CPA6: variants seen among roughly 807,000 people sequenced by gnomAD.
The protein encoded by CPA6 is carboxypeptidase B.
In CPA6, 58 loss-of-function variants were observed where a neutral mutation model predicts 63.3. The observed-to-expected ratio is 0.92, with a 90% CI of 0.74 to 1.14. The LOEUF (loss-of-function observed/expected upper bound fraction) is 1.14, where lower values mean the gene tolerates loss of function less well. Ranked by LOEUF, CPA6 falls within the 50% of genes most tolerant of loss-of-function variation. The pLI is 0.00. For synonymous variants in CPA6, 185 were observed against 179.0 expected (o/e 1.03, Z -0.27); for missense variants, 565 against 526.6 (o/e 1.07, Z -0.71).
intron 1 of CPA6, among the ~76,000 whole-genome samples, chr8:67,686,719 G>T (rs1327493243): frequency 6.6e-6 from 1 of 152,198 alleles, no homozygotes; most frequent in African/African-American, 2.4e-5. Context: ...TGAAAGAACA[G>T]TTAACAAGCT....
chr8:67,430,226 C>T (rs1411051181), intron 9 of CPA6, among the ~76,000 whole-genome samples: 3 of 145,194 alleles, frequency 2.1e-5, no homozygotes, highest in African/African-American at 5.2e-5. Context: ...GTCGCCCAGG[C>T]TGGAGTGCAA....
intron 2 of CPA6, among the ~76,000 whole-genome samples, chr8:67,567,158 T>A (rs1173220216): frequency 1.3e-5 from 2 of 152,214 alleles, no homozygotes; most frequent in Non-Finnish European, 2.9e-5. Flanking sequence ...TAAATGTGTA[T>A]GATTATTCAG....
At chr8:67,442,440 A>G (rs1810314170) in intron 8 of CPA6, among the ~76,000 whole-genome samples, 1 of 152,186 alleles carries the variant, frequency 6.6e-6, no homozygotes, top group African/African-American at 2.4e-5. Flanking sequence ...ATCCTGTGTG[A>G]GTGTTCAGGA....
At chr8:67,440,431 C>T (rs1038776671) in intron 8 of CPA6, among the ~76,000 whole-genome samples, 14 of 151,982 alleles carry the variant, frequency 9.2e-5, no homozygotes, top group South Asian at 2.1e-4. Context: ...ATTGGCAGGG[C>T]GTGGTGACAC....
intron 6 of CPA6, among the ~76,000 whole-genome samples, chr8:67,486,738 C>G (rs1811486038): frequency 1.3e-5 from 2 of 152,134 alleles, no homozygotes; most frequent in Admixed American, 1.3e-4. Flanking sequence ...TGGTAGAACT[C>G]AGCTCTGAGA....
chr8:67,483,813 A>T lies in CPA6; in HGVS notation c.793T>A (p.Cys265Ser). 8.1e-6 allele frequency: 13 copies of T among 1,614,208 alleles called. No individual in the cohort carries two copies. The highest frequency in any genetic ancestry group is 1.1e-5 in the Non-Finnish European group (13 of 1,180,030). ...TTTCTATTGGCATCCACTCCACGGC[A>T]GCGAAACCTTGAGTTCCTTGACCTT... ...KTRSRNSRFRCRGVDANRNWK... is the reference protein window; with the variant it reads ...KTRSRNSRFRSRGVDANRNWK... The change falls in exon 8 of 11, where the codon TGC becomes AGC. Residue 265 changes from cysteine (C) to serine (S), a missense_variant. Cys to Ser is a moderately radical substitution (Grantham distance 112, BLOSUM62 -1). Coordinates refer to ENST00000297770, the MANE Select transcript of CPA6 (RefSeq NM_020361.5).
At chr8:67,704,778 G>A (rs1817097511) in intron 1 of CPA6, among the ~76,000 whole-genome samples, 1 of 152,152 alleles carries the variant, frequency 6.6e-6, no homozygotes, top group Non-Finnish European at 1.5e-5. Context: ...AGGATAATAG[G>A]GAGATAACAG....
chr8:67,734,234 G>C (rs1230566417), intron 1 of CPA6, among the ~76,000 whole-genome samples: 1 of 151,698 alleles, frequency 6.6e-6, no homozygotes, highest in Non-Finnish European at 1.5e-5. Flanking sequence ...GTCAGGCATT[G>C]GGGGGAGCAA....
chr8:67,651,963 A>G (rs910344588), intron 1 of CPA6, among the ~76,000 whole-genome samples: 1 of 151,870 alleles, frequency 6.6e-6, no homozygotes, highest in African/African-American at 2.4e-5. Flanking sequence ...TCATTGTTCA[A>G]TTCCCACCTA....
chr8:67,555,312 G>C (rs1013443788), intron 2 of CPA6, among the ~76,000 whole-genome samples: 1 of 152,234 alleles, frequency 6.6e-6, no homozygotes, highest in African/African-American at 2.4e-5. Context: ...AGAGGGGCCA[G>C]AGATTGAGTT....
chr8:67,475,871 CTT>C (rs1158508740), intron 8 of CPA6, among the ~76,000 whole-genome samples: 2,427 of 79,226 alleles, frequency 0.031, 106 homozygotes, highest in East Asian at 0.033. Flanking sequence ...TTCTTTCTTT[CTT>C]TCTTTCTCCT....
chr8:67,592,011 T>C (rs939470604), intron 2 of CPA6, among the ~76,000 whole-genome samples: 2 of 152,202 alleles, frequency 1.3e-5, no homozygotes, highest in African/African-American at 4.8e-5. Flanking sequence ...CAGTATGATA[T>C]TGGCTGTGGG....
chr8:67,484,701 C>A lies in CPA6; in HGVS notation c.725G>T (p.Gly242Val), dbSNP rs372728943. Residue 242 changes from glycine (G) to valine (V), a missense_variant, in exon 7 of 11, where the codon GGA becomes GTA. Gly to Val is a moderately radical substitution (Grantham distance 109). Coordinates refer to ENST00000297770, the MANE Select transcript of CPA6 (RefSeq NM_020361.5). ...FYIMPVFNVDGYHFSWTNDRF... is the reference protein window; with the variant it reads ...FYIMPVFNVDVYHFSWTNDRF... The stretch of plus-strand genomic sequence containing the variant: ...TACATTGGTCCAACTAAAATGGTAT[C>A]CATCGACGTTAAACACAGGCATGAT... 3.8e-5 allele frequency: 60 copies of A among 1,593,778 alleles called. No homozygotes were observed. Among genetic ancestry groups the A allele is most frequent in the South Asian group, 3.5e-4 (32 of 90,288 alleles).
intron 8 of CPA6, among the ~76,000 whole-genome samples, chr8:67,476,858 C>T (rs781025793): frequency 3.9e-5 from 6 of 152,136 alleles, no homozygotes; most frequent in Non-Finnish European, 7.4e-5. Flanking sequence ...ATGAGAAGTT[C>T]GTGTTGAGCA....
At chr8:67,623,530 C>T (rs758622187) in intron 2 of CPA6, among the ~76,000 whole-genome samples, 1 of 152,134 alleles carries the variant, frequency 6.6e-6, no homozygotes, top group Admixed American at 6.5e-5. Flanking sequence ...CTCCCAGGTT[C>T]AACTGACCCT....
chr8:67,430,706 T>C (rs1027926580), intron 9 of CPA6, among the ~76,000 whole-genome samples: 2 of 152,196 alleles, frequency 1.3e-5, no homozygotes, highest in African/African-American at 4.8e-5. Context: ...GGAATAATTC[T>C]TTGCTGTGGG....
At chr8:67,544,262 T>G (rs982020861) in intron 2 of CPA6, among the ~76,000 whole-genome samples, 2 of 152,220 alleles carry the variant, frequency 1.3e-5, no homozygotes, top group Admixed American at 6.5e-5. Context: ...TACCTAATCC[T>G]AAGAGCAGAA....
intron 8 of CPA6, among the ~76,000 whole-genome samples, chr8:67,458,582 T>C (rs1463920106): frequency 6.6e-6 from 1 of 152,236 alleles, no homozygotes; most frequent in Admixed American, 6.5e-5. Flanking sequence ...TAAAAACTTC[T>C]GTTCTGCGAA....
chr8:67,425,554 T>G (rs1195041998), intron 10 of CPA6, among the ~76,000 whole-genome samples: 1 of 152,150 alleles, frequency 6.6e-6, no homozygotes, highest in Non-Finnish European at 1.5e-5. Flanking sequence ...TTTTGTATTT[T>G]TAGTAGAGAT....
Sources: allele counts gnomAD v4.1 joint callset (sites outside exome capture counted in the v4.1 genomes callset), GRCh38; gene constraint gnomAD v4.1.1; transcripts MANE v1.5; gene names NCBI Gene and HGNC (gene_info 2026-07-23, HGNC 2026-07-21).